The following HES7 variants were observed in gnomAD, a reference collection of about 807,000 sequenced individuals.
HES7 encodes hes family bHLH transcription factor 7, also known as transcription factor HES-7.
In HES7, 8 loss-of-function variants were observed where a neutral mutation model predicts 18.0. That is an observed-to-expected ratio of 0.45 (90% CI 0.26 to 0.80). The LOEUF (loss-of-function observed/expected upper bound fraction) is 0.80. HES7 is among the 30% of genes least tolerant of loss of function. HES7 has a pLI of 0.18. For synonymous variants in HES7, 170 were observed against 158.6 expected (o/e 1.07, Z -0.54); for missense variants, 356 against 340.9 (o/e 1.04, Z -0.35).
rs1005351109 is a variant in HES7 at position 8,121,414 on chromosome 17, A to C, written c.*157T>G. ...ACCAGGGAAATATATATTTATATAG[A>C]TACTCTAATATAGACCACATCTCAC... On this transcript the variant is annotated 3_prime_UTR_variant, in exon 4 of 4. Coordinates refer to ENST00000541682, the MANE Select transcript of HES7 (RefSeq NM_001165967.2). 4.6e-6 allele frequency: 2 copies of C among 438,910 alleles called. No individual in the cohort carries two copies. The highest frequency in any genetic ancestry group is 7.6e-6 in the Non-Finnish European group (2 of 263,460). The allele number at this position is 438,910 out of a possible 1,614,324, so 27.2% of individuals were successfully genotyped here.
At chr17:8,124,907 C>T (rs1434628270), upstream of HES7, among the ~76,000 whole-genome samples, 1 of 152,156 alleles carries the variant, frequency 6.6e-6, no homozygotes, top group African/African-American at 2.4e-5. Context: ...TTTCCACTTA[C>T]AGTACAAGTA....
rs1354205305 is a variant in HES7 at position 8,121,650 on chromosome 17, G to A, written c.614C>T (p.Pro205Leu). 5.3e-6 allele frequency: 7 copies of A among 1,321,700 alleles called. No homozygotes were observed. The African/African-American group carries it at 1.1e-4, about 20-fold the overall frequency. The allele number at this position is 1,321,700 out of a possible 1,614,324, so 81.9% of individuals were successfully genotyped here. A position where few individuals can be genotyped will look rare whatever the true frequency, so the allele number is the denominator to read the frequency against. ...CCCGTCTTGTCTGTGAGGCGGCGGT[G>A]GCGGCGGCAGCAGTCCGGTGAGGGG... is the stretch of plus-strand genomic sequence containing the variant. ...PAPLTGLLPPPPPPHRQDGAP... is the reference protein window; with the variant it reads ...PAPLTGLLPPLPPPHRQDGAP... The change falls in exon 4 of 4, where the codon CCA becomes CTA. Residue 205 changes from proline (P) to leucine (L), a missense_variant. By Grantham distance (98) the Pro-to-Leu change is moderately conservative. Transcript: ENST00000541682.
chr17:8,123,791 G>C lies in HES7; in HGVS notation c.42+252C>G, dbSNP rs899070108. Among the ~76,000 whole-genome samples, 21 of 152,284 alleles carry C rather than the reference G, an allele frequency of 1.4e-4. No homozygotes were observed. Among genetic ancestry groups the C allele is most frequent in the African/African-American group, 4.6e-4 (19 of 41,572 alleles). ...TACTCCAACACCGGCCCCCTCCCCAGGCCACAAGGTGCCGACACCCATTAC... is the reference window on the plus strand; with the variant it reads ...TACTCCAACACCGGCCCCCTCCCCACGCCACAAGGTGCCGACACCCATTAC... On this transcript the variant is annotated intron_variant, in intron 1 of 3. Transcript: ENST00000541682. This position sits in a 1 kb window ranked among gnomAD's most constrained non-coding sequence, Gnocchi z 5.9.
upstream of HES7, among the ~76,000 whole-genome samples, chr17:8,126,587 G>C (rs1347299431): frequency 6.6e-6 from 1 of 152,194 alleles, no homozygotes. Context: ...GCCCGAGGGC[G>C]GGCGGGTGGG....
chr17:8,122,313 T>C lies in HES7; in HGVS notation c.226+30A>G. 5.2e-4 allele frequency: 383 copies of C among 733,506 alleles called. No individual in the cohort carries two copies. The highest frequency in any genetic ancestry group is 8.0e-4 in the Non-Finnish European group (359 of 447,674). The allele number at this position is 733,506 out of a possible 1,614,324, so 45.4% of individuals were successfully genotyped here. A position where few individuals can be genotyped will look rare whatever the true frequency, so the allele number is the denominator to read the frequency against. On this transcript the variant is annotated intron_variant, in intron 3 of 3. Coordinates refer to ENST00000541682, the MANE Select transcript of HES7 (RefSeq NM_001165967.2). The surrounding 1 kb of genome is among the most constrained non-coding windows in gnomAD (Gnocchi z 6.9). ...GGAGCCTCCTGGCGTCCCCCCTCCC[T>C]CCCTCCGCTGCCCCACCCCCGCGCT...
In HES7 at chr17:8,122,978, C is replaced by T. The variant is rs1981435264; in HGVS notation, c.138+53G>A. The T allele has an allele frequency of 2.8e-6, 4 of 1,445,266 alleles. No individual in the cohort carries two copies. Among genetic ancestry groups the T allele is most frequent in the Non-Finnish European group, 3.8e-6 (4 of 1,048,864 alleles). The allele number at this position is 1,445,266 out of a possible 1,614,324, so 89.5% of individuals were successfully genotyped here. A position where few individuals can be genotyped will look rare whatever the true frequency, so the allele number is the denominator to read the frequency against. On this transcript the variant is annotated intron_variant, in intron 2 of 3. Coordinates refer to ENST00000541682, the MANE Select transcript of HES7 (RefSeq NM_001165967.2). The surrounding 1 kb of genome is among the most constrained non-coding windows in gnomAD (Gnocchi z 6.9). ...TGTGTCCCCACCCCAGTGGGAAGCC[C>T]TGGGACGCGGAAACGGGAAGCTTGG...
At chr17:8,125,749 T>C (rs908892813), upstream of HES7, among the ~76,000 whole-genome samples, 2 of 152,202 alleles carry the variant, frequency 1.3e-5, no homozygotes, top group South Asian at 4.1e-4. Context: ...AAGCCGCGCA[T>C]TGGTGGTTCA....
chr17:8,123,192 C>T lies in HES7; in HGVS notation c.43-66G>A. 1 of 1,293,904 alleles carries T rather than the reference C, an allele frequency of 7.7e-7. No individual in the cohort carries two copies. The highest frequency in any genetic ancestry group is 1.1e-6 in the Non-Finnish European group (1 of 920,366). 80.2% of individuals were successfully genotyped at this position (1,293,904 alleles called of 1,614,324 possible). ...AGACTCAGTGCGGCCGCCCCGGCGT[C>T]GGATCCCGCCGCTGGGAGAGCCCGG... On this transcript the variant is annotated intron_variant, in intron 1 of 3. Transcript: ENST00000541682. The surrounding 1 kb of genome is among the most constrained non-coding windows in gnomAD (Gnocchi z 5.9).
In HES7 at chr17:8,122,302, T is replaced by C; in HGVS notation, c.226+41A>G. On this transcript the variant is annotated intron_variant, in intron 3 of 3. Transcript: ENST00000541682. This position sits in a 1 kb window ranked among gnomAD's most constrained non-coding sequence, Gnocchi z 6.9. Reference sequence around the variant, plus strand: ...CTGCCCCGGCCGGAGCCTCCTGGCGTCCCCCCTCCCTCCCTCCGCTGCCCC... The same window carrying C: ...CTGCCCCGGCCGGAGCCTCCTGGCGCCCCCCCTCCCTCCCTCCGCTGCCCC... 1 of 1,460,290 alleles carries C rather than the reference T, an allele frequency of 6.8e-7. No individual in the cohort carries two copies. The highest frequency in any genetic ancestry group is 9.4e-7 in the Non-Finnish European group (1 of 1,065,648). The allele number at this position is 1,460,290 out of a possible 1,614,324, so 90.5% of individuals were successfully genotyped here. A position where few individuals can be genotyped will look rare whatever the true frequency, so the allele number is the denominator to read the frequency against.
chr17:8,122,308 CTCCCTCCCTCCGCTG>C lies in HES7; in HGVS notation c.226+20_226+34del. On this transcript the variant is annotated intron_variant, in intron 3 of 3. Transcript: ENST00000541682. This position sits in a 1 kb window ranked among gnomAD's most constrained non-coding sequence, Gnocchi z 6.9. ...CGGCCGGAGCCTCCTGGCGTCCCCC[CTCCCTCCCTCCGCTG>C]CCCCACCCCCGCGCTGTACCCGGGG... 6.9e-7 allele frequency: 1 copy of C among 1,449,308 alleles called. No homozygotes were observed. The highest frequency in any genetic ancestry group is 9.5e-7 in the Non-Finnish European group (1 of 1,055,876). The allele number at this position is 1,449,308 out of a possible 1,614,324, so 89.8% of individuals were successfully genotyped here. A position where few individuals can be genotyped will look rare whatever the true frequency, so the allele number is the denominator to read the frequency against.
In HES7 at chr17:8,123,340, T is replaced by G; in HGVS notation, c.43-214A>C. 1 of 600,866 alleles carries G rather than the reference T, an allele frequency of 1.7e-6. No individual in the cohort carries two copies. The highest frequency in any genetic ancestry group is 1.9e-5 in the South Asian group (1 of 52,344). The allele number at this position is 600,866 out of a possible 1,614,324, so 37.2% of individuals were successfully genotyped here. On this transcript the variant is annotated intron_variant, in intron 1 of 3. Transcript: ENST00000541682. This position sits in a 1 kb window ranked among gnomAD's most constrained non-coding sequence, Gnocchi z 5.9. ...CTCGCCTCCCCGGATCTTCGCATTCTCCTCTCTCAGTCTCGTCCTCCCTCC... is the reference window on the plus strand; with the variant it reads ...CTCGCCTCCCCGGATCTTCGCATTCGCCTCTCTCAGTCTCGTCCTCCCTCC...
upstream of HES7, among the ~76,000 whole-genome samples, chr17:8,125,783 G>A (rs901071752): frequency 6.6e-6 from 1 of 152,202 alleles, no homozygotes; most frequent in South Asian, 2.1e-4. Context: ...CGCCTGCCAC[G>A]CGGGAGGCCC....
rs1257492511 is a variant in HES7 at position 8,123,451 on chromosome 17, ACT to A, written c.43-327_43-326del. ...TTTGTCTCAGTGGAGAACTTTGGGG[ACT>A]CTCTGCGCGCACGCACGTGCGCCGC... On this transcript the variant is annotated intron_variant, in intron 1 of 3. Transcript: ENST00000541682. The surrounding 1 kb of genome is among the most constrained non-coding windows in gnomAD (Gnocchi z 5.9). 20 of 403,306 alleles carry A rather than the reference ACT, an allele frequency of 5.0e-5. No individual in the cohort carries two copies. The highest frequency in any genetic ancestry group is 5.8e-5 in the South Asian group (2 of 34,534). 25.0% of individuals were successfully genotyped at this position (403,306 alleles called of 1,614,324 possible).
rs1025863986 is a variant in HES7, at chr17:8,122,250, C to T, written c.226+93G>A. 6.8e-6 allele frequency: 8 copies of T among 1,168,012 alleles called. No homozygotes were observed. The African/African-American group carries it at 1.1e-4, about 16-fold the overall frequency. 72.4% of individuals were successfully genotyped at this position (1,168,012 alleles called of 1,614,324 possible). ...AGCAGAACCGGCCACTCCCCAAGCC[C>T]ACCATCCACCGCAGGGCCCGCCCAC... On this transcript the variant is annotated intron_variant, in intron 3 of 3. Coordinates refer to ENST00000541682, the MANE Select transcript of HES7 (RefSeq NM_001165967.2). This position sits in a 1 kb window ranked among gnomAD's most constrained non-coding sequence, Gnocchi z 6.9.
chr17:8,126,621 C>T (rs1981616466), upstream of HES7, among the ~76,000 whole-genome samples: 1 of 152,120 alleles, frequency 6.6e-6, no homozygotes, highest in Non-Finnish European at 1.5e-5. Context: ...GCGGCGACCA[C>T]TTGTGAGCGG....
chr17:8,125,473 C>A (rs1162666501), upstream of HES7, among the ~76,000 whole-genome samples: 1 of 152,244 alleles, frequency 6.6e-6, no homozygotes, highest in Non-Finnish European at 1.5e-5. Flanking sequence ...CCGCCGCCCC[C>A]CTCCTTGGGA....
chr17:8,120,661 C>T lies in HES7; in HGVS notation c.*910G>A, dbSNP rs567320658. The T allele has an allele frequency of 1.3e-5, 2 of 152,500 alleles. No individual in the cohort carries two copies. The highest frequency in any genetic ancestry group is 4.8e-5 in the African/African-American group (2 of 41,526). 9.4% of individuals were successfully genotyped at this position (152,500 alleles called of 1,614,324 possible). Reference sequence around the variant, plus strand: ...TGGGGAGCGCCTGAGCCGGAAACACCCCCCAAGCGGGCAGCCGGAGCTCTG... The same window carrying T: ...TGGGGAGCGCCTGAGCCGGAAACACTCCCCAAGCGGGCAGCCGGAGCTCTG... On this transcript the variant is annotated 3_prime_UTR_variant, in exon 4 of 4. Transcript: ENST00000541682.
rs1241541086 is a variant in HES7, at chr17:8,123,382, C to A, written c.43-256G>T. ...CCTCCCTCCTCCCCTCTCTGTGTCT[C>A]TCCTCCTCTTTTCTCTCTACGTCTC... is the stretch of plus-strand genomic sequence containing the variant. On this transcript the variant is annotated intron_variant, in intron 1 of 3. Coordinates refer to ENST00000541682, the MANE Select transcript of HES7 (RefSeq NM_001165967.2). The surrounding 1 kb of genome is among the most constrained non-coding windows in gnomAD (Gnocchi z 5.9). The A allele has an allele frequency of 2.8e-5, 16 of 568,488 alleles. No individual in the cohort carries two copies. In the East Asian group the frequency reaches 4.1e-4, roughly 14 times the overall value. The allele number at this position is 568,488 out of a possible 1,614,324, so 35.2% of individuals were successfully genotyped here. A position where few individuals can be genotyped will look rare whatever the true frequency, so the allele number is the denominator to read the frequency against.
Position 8,122,862 on chromosome 17 carries a change from C to A in HES7, c.138+169G>T, listed in dbSNP as rs745463186. 1.3e-5 allele frequency among the ~76,000 whole-genome samples: 2 copies of A among 152,116 alleles called. No individual in the cohort carries two copies. Among genetic ancestry groups the A allele is most frequent in the African/African-American group, 4.8e-5 (2 of 41,418 alleles). ...AGACCCGAGGGGTGGCGAAGAAGAT[C>A]GCGTTCTGAGAGCGAGTGGGGGTCT... On this transcript the variant is annotated intron_variant, in intron 2 of 3. Transcript: ENST00000541682. The surrounding 1 kb of genome is among the most constrained non-coding windows in gnomAD (Gnocchi z 6.9).
Sources: allele counts gnomAD v4.1 joint callset (sites outside exome capture counted in the v4.1 genomes callset), GRCh38; gene constraint gnomAD v4.1.1; non-coding constraint Gnocchi (gnomAD v3.1); transcripts MANE v1.5; gene names NCBI Gene and HGNC (gene_info 2026-07-23, HGNC 2026-07-21).